Variants in NKAIN2 observed in about 807,000 individuals in gnomAD.
NKAIN2 encodes sodium/potassium transporting ATPase interacting 2.
Under a neutral mutation model 32.6 loss-of-function variants are expected in NKAIN2, and 14 were observed. The ratio of observed to expected loss-of-function variants is 0.43; its 90% CI spans 0.28 to 0.67. NKAIN2 has a LOEUF of 0.67. Among genes scored for constraint, NKAIN2 ranks in the 30% least tolerant of loss-of-function variants. NKAIN2 has a pLI of 0.17. For missense variants in NKAIN2, 198 were observed against 258.3 expected (o/e 0.77, Z 1.60); for synonymous variants, 80 against 87.2 (o/e 0.92, Z 0.46).
chr6:123,825,304 A>C (rs947295360), intron 1 of NKAIN2, among the ~76,000 whole-genome samples: 4 of 152,200 alleles, frequency 2.6e-5, no homozygotes, highest in African/African-American at 9.7e-5. Flanking sequence ...AAGGGTAAAC[A>C]AAAAATAATT....
intron 2 of NKAIN2, among the ~76,000 whole-genome samples, chr6:124,350,847 C>G (rs7744756): frequency 0.4 from 60,807 of 151,974 alleles, 12,552 homozygotes; most frequent in African/African-American, 0.49. Context: ...CTCATAGCTG[C>G]GCATGGTGGC....
intron 3 of NKAIN2, among the ~76,000 whole-genome samples, chr6:124,410,643 G>C (rs529517913): frequency 2.6e-5 from 4 of 152,130 alleles, no homozygotes; most frequent in Non-Finnish European, 4.4e-5. Flanking sequence ...GAATACATGT[G>C]GTGTGGTGCT....
chr6:124,190,276 A>G (rs1415433616), intron 1 of NKAIN2, among the ~76,000 whole-genome samples: 2 of 152,218 alleles, frequency 1.3e-5, no homozygotes, highest in Non-Finnish European at 2.9e-5. Flanking sequence ...TGAGGCTCAA[A>G]TGAGGTAAAG....
intron 1 of NKAIN2, among the ~76,000 whole-genome samples, chr6:124,276,196 T>C (rs1161046426): frequency 1.3e-5 from 2 of 151,930 alleles, no homozygotes; most frequent in Non-Finnish European, 2.9e-5. Context: ...AGAAAAACCA[T>C]TATATGGAAA....
intron 3 of NKAIN2, among the ~76,000 whole-genome samples, chr6:124,626,891 T>C (rs1209173514): frequency 6.6e-6 from 1 of 152,188 alleles, no homozygotes; most frequent in Non-Finnish European, 1.5e-5. Flanking sequence ...AGCCCCTTTT[T>C]TGCCGTGTTA....
intron 1 of NKAIN2, among the ~76,000 whole-genome samples, chr6:124,192,154 TCTTTA>T (rs900321506): frequency 5.3e-5 from 8 of 152,136 alleles, no homozygotes; most frequent in African/African-American, 1.7e-4. Context: ...ACATTGCTCT[TCTTTA>T]CTTTTCTTCT....
chr6:124,410,901 G>GCTC (rs928197607), intron 3 of NKAIN2, among the ~76,000 whole-genome samples: 1 of 152,068 alleles, frequency 6.6e-6, no homozygotes, highest in African/African-American at 2.4e-5. Flanking sequence ...AGGATAGTTA[G>GCTC]TTCTTGTTGA....
chr6:123,965,254 T>C (rs780839228), intron 1 of NKAIN2, among the ~76,000 whole-genome samples: 4 of 152,204 alleles, frequency 2.6e-5, no homozygotes, highest in African/African-American at 7.2e-5. Flanking sequence ...CGCTGGACTC[T>C]GGTAACTCAA....
chr6:123,955,926 C>T lies in NKAIN2; in HGVS notation c.54+151672C>T, dbSNP rs562284350. 7.9e-4 allele frequency among the ~76,000 whole-genome samples: 120 copies of T among 152,222 alleles called. No homozygotes were observed. The South Asian group carries it at 0.022, about 28-fold the overall frequency. On this transcript the variant is annotated intron_variant, in intron 1 of 6. Transcript: ENST00000368417. ...TATAGGAGTGAGCTACCATGCCGAGCTACATTTAAACATTAATATTTAAAA... is the reference window on the plus strand; with the variant it reads ...TATAGGAGTGAGCTACCATGCCGAGTTACATTTAAACATTAATATTTAAAA...
chr6:124,114,974 T>A (rs1785542800), intron 1 of NKAIN2, among the ~76,000 whole-genome samples: 1 of 152,126 alleles, frequency 6.6e-6, no homozygotes, highest in African/African-American at 2.4e-5. Context: ...CAGGTCAGTT[T>A]GTTGGAAGCA....
chr6:124,251,501 GA>G (rs1458198798), intron 1 of NKAIN2, among the ~76,000 whole-genome samples: 3 of 151,864 alleles, frequency 2.0e-5, no homozygotes, highest in African/African-American at 7.2e-5. Flanking sequence ...ATAACTTAAG[GA>G]AAATACTAGC....
At chr6:123,923,448 C>T (rs926910833) in intron 1 of NKAIN2, among the ~76,000 whole-genome samples, 1 of 151,200 alleles carries the variant, frequency 6.6e-6, no homozygotes, top group Non-Finnish European at 1.5e-5. Context: ...TTTGTAATGT[C>T]CATTCATGGT....
chr6:123,971,368 A>G (rs1778333309), intron 1 of NKAIN2, among the ~76,000 whole-genome samples: 1 of 151,816 alleles, frequency 6.6e-6, no homozygotes, highest in Admixed American at 6.6e-5. Flanking sequence ...AGTAATTATA[A>G]CTGCCTTGTA....
chr6:124,004,962 T>G (rs991833283), intron 1 of NKAIN2, among the ~76,000 whole-genome samples: 1 of 150,276 alleles, frequency 6.7e-6, no homozygotes, highest in Non-Finnish European at 1.5e-5. Context: ...CAGTGACACA[T>G]GTCTGTAATC....
At chr6:124,797,395 G>A (rs887252426) in intron 5 of NKAIN2, among the ~76,000 whole-genome samples, 3 of 152,022 alleles carry the variant, frequency 2.0e-5, no homozygotes, top group Non-Finnish European at 2.9e-5. Flanking sequence ...AGAGAGACAT[G>A]GAATATCATT....
At chr6:124,531,010 C>G (rs1032138595) in intron 3 of NKAIN2, among the ~76,000 whole-genome samples, 1 of 152,164 alleles carries the variant, frequency 6.6e-6, no homozygotes, top group South Asian at 2.1e-4. Flanking sequence ...CATAAATACC[C>G]CCATAGACAT....
At chr6:124,405,972 G>A (rs1773839343) in intron 3 of NKAIN2, among the ~76,000 whole-genome samples, 1 of 148,148 alleles carries the variant, frequency 6.8e-6, no homozygotes, top group South Asian at 2.1e-4. Flanking sequence ...TTGATGCAGT[G>A]TAAACCTGTA....
chr6:124,547,342 T>C (rs572973472), intron 3 of NKAIN2, among the ~76,000 whole-genome samples: 1 of 152,316 alleles, frequency 6.6e-6, no homozygotes, highest in African/African-American at 2.4e-5. Context: ...GAAAGAGCAT[T>C]CTATTGTTTT....
intron 3 of NKAIN2, among the ~76,000 whole-genome samples, chr6:124,355,808 T>C (rs1253351724): frequency 6.6e-6 from 1 of 152,224 alleles, no homozygotes; most frequent in African/African-American, 2.4e-5. Flanking sequence ...TAGAAATGAA[T>C]ACAATCAACC....
Sources: gnomAD v4.1 joint callset for allele counts (sites outside exome capture counted in the v4.1 genomes callset) on GRCh38, gnomAD v4.1.1 for gene constraint, MANE v1.5 for transcripts, NCBI Gene and HGNC (gene_info 2026-07-23, HGNC 2026-07-21) for gene names.